The following NCKAP5 variants were observed in gnomAD, a reference collection of about 807,000 sequenced individuals.
The protein encoded by NCKAP5 is nck-associated protein 5.
Under a neutral mutation model 167.0 loss-of-function variants are expected in NCKAP5, and 92 were observed. That is an observed-to-expected ratio of 0.55 (90% CI 0.47 to 0.66). The LOEUF is 0.66. Among genes scored for constraint, NCKAP5 ranks in the 30% least tolerant of loss-of-function variants. The pLI is 0.00. For missense variants in NCKAP5, 2,378 were observed against 2,315.0 expected (o/e 1.03, Z -0.56); for synonymous variants, 891 against 877.4 (o/e 1.02, Z -0.27).
rs1279690006 is a variant in NCKAP5, at chr2:132,784,909, C to T, written c.1902G>A (p.Glu634=). ...CTGAAGGGATGGGCACTTGTTTTTC[C>T]TCCTCTTCAGGAGACCCACATAGAG... The part of the protein sequence containing the change: ...GKSLCGSPEE[E]EKQVPIPSET... The change falls in exon 14 of 20, where the codon GAG becomes GAA. Residue 634 remains glutamate (E), a synonymous_variant. Coordinates refer to ENST00000409261, the MANE Select transcript of NCKAP5 (RefSeq NM_207363.3). The T allele has an allele frequency of 6.4e-7, 1 of 1,571,362 alleles. No homozygotes were observed. Among genetic ancestry groups the T allele is most frequent in the African/African-American group, 1.4e-5 (1 of 73,296 alleles).
chr2:132,977,012 A>T (rs757006497), intron 7 of NCKAP5, among the ~76,000 whole-genome samples: 2 of 152,210 alleles, frequency 1.3e-5, no homozygotes, highest in African/African-American at 4.8e-5. Context: ...ATGAAATAAC[A>T]ATGATAATAA....
At chr2:132,997,308 G>A (rs139230900) in intron 6 of NCKAP5, among the ~76,000 whole-genome samples, 20 of 152,246 alleles carry the variant, frequency 1.3e-4, no homozygotes, top group African/African-American at 4.3e-4. Context: ...GATGGTGGGC[G>A]CTGGTTACGA....
intron 3 of NCKAP5, among the ~76,000 whole-genome samples, chr2:133,417,276 G>A (rs1689177525): frequency 6.6e-6 from 1 of 152,096 alleles, no homozygotes; most frequent in African/African-American, 2.4e-5. Context: ...AGAATGGCCA[G>A]CTCTCTCAGT....
intron 3 of NCKAP5, among the ~76,000 whole-genome samples, chr2:133,348,694 C>G (rs977340794): frequency 6.6e-6 from 1 of 152,162 alleles, no homozygotes; most frequent in African/African-American, 2.4e-5. Flanking sequence ...TGACTCCCCC[C>G]TTCTCCATGC....
At chr2:133,129,906 T>C in intron 6 of NCKAP5, 72 bp downstream of exon 6, 1 of 1,451,240 alleles carries the variant, frequency 6.9e-7, no homozygotes, top group Non-Finnish European at 9.1e-7. Context: ...TCAATGGACA[T>C]TCAATCCAAG....
At chr2:132,800,594 T>C (rs540226911) in intron 11 of NCKAP5, among the ~76,000 whole-genome samples, 21 of 152,276 alleles carry the variant, frequency 1.4e-4, no homozygotes, top group Admixed American at 5.2e-4. Context: ...TCGCTGTCTC[T>C]GGAATGTGCC....
intron 19 of NCKAP5, among the ~76,000 whole-genome samples, chr2:132,708,084 AG>A (rs1192039269): frequency 6.6e-6 from 1 of 151,840 alleles, no homozygotes; most frequent in African/African-American, 2.4e-5. Flanking sequence ...CATAGGCCTT[AG>A]GTGAGACTCA....
intron 4 of NCKAP5, among the ~76,000 whole-genome samples, chr2:133,271,738 C>T (rs1178332260): frequency 6.6e-6 from 1 of 151,802 alleles, no homozygotes; most frequent in Non-Finnish European, 1.5e-5. Context: ...ATTTGGGACA[C>T]GATTAGAGAA....
rs547935217 is a variant in NCKAP5 at position 132,926,559 on chromosome 2, T to C, written c.579+37161A>G. 2.0e-5 allele frequency among the ~76,000 whole-genome samples: 3 copies of C among 152,302 alleles called. No homozygotes were observed. In the South Asian group the frequency reaches 6.2e-4, roughly 32 times the overall value. ...TTTTTGTTTTTGGTTTTTGTCTTTTTAATAATAGTCATCTGATGAATATAA... is the reference window on the plus strand; with the variant it reads ...TTTTTGTTTTTGGTTTTTGTCTTTTCAATAATAGTCATCTGATGAATATAA... On this transcript the variant is annotated intron_variant, in intron 8 of 19. Coordinates refer to ENST00000409261, the MANE Select transcript of NCKAP5 (RefSeq NM_207363.3).
intron 11 of NCKAP5, among the ~76,000 whole-genome samples, chr2:132,841,025 T>C (rs912092493): frequency 1.3e-5 from 2 of 152,206 alleles, no homozygotes; most frequent in African/African-American, 4.8e-5. Flanking sequence ...CTTTGTCATA[T>C]ATTAGATTTT....
chr2:133,421,697 C>G (rs1477630651), intron 3 of NCKAP5, among the ~76,000 whole-genome samples: 1 of 152,256 alleles, frequency 6.6e-6, no homozygotes, highest in African/African-American at 2.4e-5. Flanking sequence ...AAGAGCCAAC[C>G]AGTGACCTCA....
intron 11 of NCKAP5, among the ~76,000 whole-genome samples, chr2:132,848,414 G>A (rs935161984): frequency 4.6e-5 from 7 of 152,086 alleles, no homozygotes; most frequent in Admixed American, 6.5e-5. Flanking sequence ...ATCATTATGA[G>A]ATCTTTACGT....
At chr2:133,075,422 C>G (rs1306420472) in intron 6 of NCKAP5, among the ~76,000 whole-genome samples, 1 of 152,142 alleles carries the variant, frequency 6.6e-6, no homozygotes, top group Non-Finnish European at 1.5e-5. Context: ...GAGGGAAGAG[C>G]AAATGACGAG....
chr2:132,885,411 G>A (rs6720180), intron 8 of NCKAP5, among the ~76,000 whole-genome samples: 74,672 of 152,018 alleles, frequency 0.49, 19,406 homozygotes, highest in East Asian at 0.69. Flanking sequence ...AGAGGATGCA[G>A]TTAGAGCATT....
intron 6 of NCKAP5, among the ~76,000 whole-genome samples, chr2:133,013,999 T>A (rs959481967): frequency 6.6e-6 from 1 of 152,208 alleles, no homozygotes; most frequent in Non-Finnish European, 1.5e-5. Context: ...ATGCCTCTAT[T>A]TCCTGTCCTT....
chr2:133,269,264 T>G (rs983569579), intron 4 of NCKAP5, among the ~76,000 whole-genome samples: 14 of 152,218 alleles, frequency 9.2e-5, no homozygotes, highest in Non-Finnish European at 1.8e-4. Flanking sequence ...TTGTGGAGCT[T>G]ACATTCTGGA....
At chr2:132,850,905 T>C (rs1280449294) in intron 11 of NCKAP5, among the ~76,000 whole-genome samples, 2 of 152,102 alleles carry the variant, frequency 1.3e-5, no homozygotes, top group Non-Finnish European at 2.9e-5. Flanking sequence ...CGGTCACCAG[T>C]GAGTCACAGT....
chr2:132,843,467 CT>C (rs1688441939), intron 11 of NCKAP5, among the ~76,000 whole-genome samples: 1 of 152,052 alleles, frequency 6.6e-6, no homozygotes, highest in South Asian at 2.1e-4. Flanking sequence ...CTGTTTAAGG[CT>C]TCTAAACTTA....
chr2:133,091,305 T>C (rs1427916547), intron 6 of NCKAP5, among the ~76,000 whole-genome samples: 2 of 152,206 alleles, frequency 1.3e-5, no homozygotes, highest in African/African-American at 4.8e-5. Context: ...TCCTTCCCCA[T>C]GGAAACCTTT....
Sources: allele counts gnomAD v4.1 joint callset (sites outside exome capture counted in the v4.1 genomes callset), GRCh38; gene constraint gnomAD v4.1.1; transcripts MANE v1.5; gene names NCBI Gene and HGNC (gene_info 2026-07-23, HGNC 2026-07-21).